NCAPD2: variants seen among roughly 807,000 people sequenced by gnomAD.
NCAPD2 encodes the protein condensin complex subunit 1.
Under a neutral mutation model 164.5 loss-of-function variants are expected in NCAPD2, and 100 were observed. The ratio of observed to expected loss-of-function variants is 0.61; its 90% CI spans 0.52 to 0.72. NCAPD2 has a LOEUF of 0.72. Ranked by LOEUF, NCAPD2 falls within the 30% of genes least tolerant of loss-of-function variation. NCAPD2 has a pLI of 0.00. For missense variants in NCAPD2, 1,560 were observed against 1,749.2 expected (o/e 0.89, Z 1.93); for synonymous variants, 585 against 642.6 (o/e 0.91, Z 1.36).
chr12:6,525,747 G>A (rs1171515755), intron 18 of NCAPD2, 31 bp downstream of exon 18: 13 of 1,608,004 alleles, frequency 8.1e-6, no homozygotes, highest in Non-Finnish European at 1.1e-5. Context: ...GCAATGGGGT[G>A]GGAGAGCAAA....
Position 6,526,523 on chromosome 12 carries a change from G to A in NCAPD2, c.2642G>A (p.Gly881Asp). 6.2e-7 allele frequency: 1 copy of A among 1,614,144 alleles called. No homozygotes were observed. The highest frequency in any genetic ancestry group is 8.5e-7 in the Non-Finnish European group (1 of 1,180,030). ...ACCCTCATTTACCAACTGGCAGAGG[G>A]CCCCGAAGTGATCTGTGCCCAGATA... is the stretch of plus-strand genomic sequence containing the variant. ...AVTLIYQLAE[G>D]PEVICAQILQ... The change falls in exon 21 of 32, where the codon GGC becomes GAC. Residue 881 changes from glycine (G) to aspartate (D), a missense_variant. Gly to Asp is a moderately conservative substitution (Grantham distance 94, BLOSUM62 -1). Transcript: ENST00000315579.
At position 6,530,921 on chromosome 12, in the gene NCAPD2, G is replaced by A; in HGVS notation, c.3965G>A (p.Gly1322Asp). Residue 1322 changes from glycine to aspartate, a missense_variant and splice_region_variant, in exon 31 of 32, where the codon GGT (glycine) becomes GAT (aspartate). Coordinates refer to ENST00000315579, the MANE Select transcript of NCAPD2 (RefSeq NM_014865.4). The stretch of plus-strand genomic sequence containing the variant: ...AATCACGTTTTCCTGCCTTTTCTAG[G>A]TTCTAGGTACCAGCCTCTGGCTTCT... ...RAPSAKKPST[G>D]SRYQPLASTA... is the part of the protein sequence containing the mutation. 1 of 1,613,894 alleles carries A rather than the reference G, an allele frequency of 6.2e-7. No individual in the cohort carries two copies. Among genetic ancestry groups the A allele is most frequent in the Non-Finnish European group, 8.5e-7 (1 of 1,179,994 alleles).
At chr12:6,516,056 T>TGTG (rs1176359971) in intron 9 of NCAPD2, among the ~76,000 whole-genome samples, 1 of 149,752 alleles carries the variant, frequency 6.7e-6, no homozygotes, top group Non-Finnish European at 1.5e-5. Flanking sequence ...ATTAGCTGGG[T>TGTG]GTGGTGGCGC....
At chr12:6,522,647 C>T (rs1042054061) in intron 15 of NCAPD2, among the ~76,000 whole-genome samples, 181 bp from the exon 16 acceptor site, 2 of 152,064 alleles carry the variant, frequency 1.3e-5, no homozygotes, top group Admixed American at 6.5e-5. Flanking sequence ...TAGCCACTTA[C>T]AGCTTATACA....
chr12:6,525,935 C>A, intron 18 of NCAPD2, 133 bp from the exon 19 acceptor site: 17 of 1,299,394 alleles, frequency 1.3e-5, no homozygotes, highest in Non-Finnish European at 1.8e-5. Flanking sequence ...GCTGGCCCTG[C>A]GGCAGAGCCA....
intron 29 of NCAPD2, 117 bp downstream of exon 29, chr12:6,530,075 G>T: frequency 8.6e-7 from 1 of 1,162,506 alleles, no homozygotes. Context: ...ATCCCCAGCT[G>T]GGTTGCAACC....
At position 6,522,016 on chromosome 12, in the gene NCAPD2, A is replaced by G; in HGVS notation, c.1933A>G (p.Met645Val). ...TEAIGIISKM[M>V]YENTTTVVQE... The stretch of plus-strand genomic sequence containing the variant: ...GGCCATTGGCATCATCAGCAAGATG[A>G]TGTATGAAAACACAACTACAGGTAT... The change falls in exon 15 of 32, where the codon ATG becomes GTG. Residue 645 changes from methionine to valine, a missense_variant. Physicochemically the swap from Met to Val is conservative, Grantham distance 21. Coordinates refer to ENST00000315579, the MANE Select transcript of NCAPD2 (RefSeq NM_014865.4). 2.5e-6 allele frequency: 4 copies of G among 1,614,152 alleles called. No homozygotes were observed. The highest frequency in any genetic ancestry group is 3.4e-6 in the Non-Finnish European group (4 of 1,179,996).
chr12:6,528,638 C>G lies in NCAPD2; in HGVS notation c.3300-41C>G, dbSNP rs758654379. ...TTTTCTACCAGTGTTAGGGTGTAGC[C>G]CGGAGGTCTCGGTCCCCATGACCCG... On this transcript the variant is annotated intron_variant, in intron 25 of 31. Coordinates refer to ENST00000315579, the MANE Select transcript of NCAPD2 (RefSeq NM_014865.4). The surrounding 1 kb of genome is among the most constrained non-coding windows in gnomAD (Gnocchi z 5.1). The G allele has an allele frequency of 1.3e-6, 2 of 1,588,938 alleles. No individual in the cohort carries two copies. Among genetic ancestry groups the G allele is most frequent in the Non-Finnish European group, 8.6e-7 (1 of 1,162,320 alleles).
chr12:6,527,692 A>G, intron 22 of NCAPD2, 85 bp from the exon 23 acceptor site: 2 of 1,271,562 alleles, frequency 1.6e-6, no homozygotes, highest in Non-Finnish European at 2.2e-6. Context: ...GCCCTTCCTC[A>G]CTTTGTTCAT....
chr12:6,524,213 T>A (rs1014992180), intron 17 of NCAPD2, among the ~76,000 whole-genome samples: 2 of 152,066 alleles, frequency 1.3e-5, no homozygotes, highest in African/African-American at 4.8e-5. Flanking sequence ...CTGAAGGTGG[T>A]AGGACTTAAG....
At chr12:6,498,667 C>T (rs1946005593) in intron 2 of NCAPD2, among the ~76,000 whole-genome samples, 1 of 151,612 alleles carries the variant, frequency 6.6e-6, no homozygotes, top group Non-Finnish European at 1.5e-5. Context: ...GAGTGCAGTG[C>T]TGTGATCTCA....
intron 13 of NCAPD2, among the ~76,000 whole-genome samples, chr12:6,519,425 T>C (rs1342408743): frequency 6.6e-6 from 1 of 152,204 alleles, no homozygotes; most frequent in Non-Finnish European, 1.5e-5. Flanking sequence ...CACAGCTCAC[T>C]GCAGCCTCTC....
Position 6,531,828 on chromosome 12 carries a change from C to T in NCAPD2, c.*416C>T, listed in dbSNP as rs545661061. 5.7e-4 allele frequency: 126 copies of T among 222,526 alleles called. No homozygotes were observed. Among genetic ancestry groups the T allele is most frequent in the South Asian group, 1.6e-3 (29 of 18,502 alleles). 13.8% of individuals were successfully genotyped at this position (222,526 alleles called of 1,614,324 possible). A position where few individuals can be genotyped will look rare whatever the true frequency, so the allele number is the denominator to read the frequency against. ...TCAAATTAAAAAAAAAATGCCTACA[C>T]GCTCTTTAAAATGCAAGGCTTTCTC... On this transcript the variant is annotated 3_prime_UTR_variant, in exon 32 of 32. Transcript: ENST00000315579. The surrounding 1 kb of genome is among the most constrained non-coding windows in gnomAD (Gnocchi z 4.1).
chr12:6,529,856 C>T lies in NCAPD2; in HGVS notation c.3735C>T (p.Asp1245=). 6.2e-7 allele frequency: 1 copy of T among 1,614,264 alleles called. No individual in the cohort carries two copies. Among genetic ancestry groups the T allele is most frequent in the Non-Finnish European group, 8.5e-7 (1 of 1,180,052 alleles). ...LTERGLRKML[D]NFDCFGDKLS... ...AGCGAGGCCTCCGTAAGATGCTTGA[C>T]AATTTTGACTGTTTTGGAGACAAAC... Residue 1245 remains aspartate, a synonymous_variant, in exon 29 of 32, where the codon GAC becomes GAT. Coordinates refer to ENST00000315579, the MANE Select transcript of NCAPD2 (RefSeq NM_014865.4).
intron 13 of NCAPD2, 157 bp downstream of exon 13, chr12:6,518,116 CTA>C (rs1438881249): frequency 4.7e-6 from 3 of 634,732 alleles, no homozygotes; most frequent in Non-Finnish European, 8.0e-6. Context: ...GACCATAGGC[CTA>C]GTCCACAATT....
chr12:6,521,277 G>A (rs1489746787), intron 14 of NCAPD2, among the ~76,000 whole-genome samples, 167 bp downstream of exon 14: 5 of 152,246 alleles, frequency 3.3e-5, no homozygotes, highest in African/African-American at 1.2e-4. Flanking sequence ...ACGGGCCTAA[G>A]ATTGATAGTC....
chr12:6,498,598 A>G (rs1286574966), intron 2 of NCAPD2, among the ~76,000 whole-genome samples: 1 of 151,582 alleles, frequency 6.6e-6, no homozygotes, highest in African/African-American at 2.4e-5. Flanking sequence ...AGATACAGTA[A>G]GAGATTAACA....
chr12:6,496,645 G>A (rs10849469), intron 2 of NCAPD2, among the ~76,000 whole-genome samples: 23,785 of 151,170 alleles, frequency 0.16, 2,149 homozygotes, highest in East Asian at 0.31. Context: ...GGCTGGTCTC[G>A]AACTTCTGGG....
Position 6,528,969 on chromosome 12 carries a change from C to T in NCAPD2, c.3502C>T (p.Pro1168Ser). 1 of 1,614,036 alleles carries T rather than the reference C, an allele frequency of 6.2e-7. No individual in the cohort carries two copies. The highest frequency in any genetic ancestry group is 8.5e-7 in the Non-Finnish European group (1 of 1,180,028). ...GGGCAACGCAATCTATAATCTCCTT[C>T]CAGATATCATCAGCCGCCTGTCAGA... ...HKGNAIYNLL[P>S]DIISRLSDPE... Residue 1168 changes from proline (P) to serine (S), a missense_variant, in exon 27 of 32, where the codon CCA (proline) becomes TCA (serine). Coordinates refer to ENST00000315579, the MANE Select transcript of NCAPD2 (RefSeq NM_014865.4). This position sits in a 1 kb window ranked among gnomAD's most constrained non-coding sequence, Gnocchi z 5.1.
Sources: allele counts gnomAD v4.1 joint callset (sites outside exome capture counted in the v4.1 genomes callset), GRCh38; gene constraint gnomAD v4.1.1; non-coding constraint Gnocchi (gnomAD v3.1); transcripts MANE v1.5; gene names NCBI Gene and HGNC (gene_info 2026-07-23, HGNC 2026-07-21).